ZFPM2: variants seen among roughly 807,000 people sequenced by gnomAD.
ZFPM2 encodes zinc finger protein ZFPM2.
Under a neutral mutation model 98.6 loss-of-function variants are expected in ZFPM2, and 20 were observed. The ratio of observed to expected loss-of-function variants is 0.20; its 90% CI spans 0.14 to 0.29. The LOEUF is 0.29. Among genes scored for constraint, ZFPM2 ranks in the 10% least tolerant of loss-of-function variants. The probability of loss-of-function intolerance (pLI) is 1.00; values close to 1 mark genes in which losing one functional copy is unlikely to be tolerated. For synonymous variants in ZFPM2, 518 were observed against 502.7 expected, an observed-to-expected ratio of 1.03 and a Z score of -0.41; for missense variants, 1,310 against 1,388.6, an observed-to-expected ratio of 0.94 and a Z score of 0.90.
At chr8:105,410,864 G>C (rs895059344) in intron 1 of ZFPM2, among the ~76,000 whole-genome samples, 1 of 151,476 alleles carries the variant, frequency 6.6e-6, no homozygotes, top group Non-Finnish European at 1.5e-5. Flanking sequence ...AAAATCTAAC[G>C]TCCTACATTC....
chr8:105,733,537 G>A (rs1811994027), intron 5 of ZFPM2, among the ~76,000 whole-genome samples: 1 of 151,772 alleles, frequency 6.6e-6, no homozygotes, highest in Non-Finnish European at 1.5e-5. Context: ...AAAGTTCACA[G>A]TGTATGAATT....
chr8:105,715,602 CG>C (rs1249364781), intron 5 of ZFPM2, among the ~76,000 whole-genome samples: 1 of 151,682 alleles, frequency 6.6e-6, no homozygotes, highest in African/African-American at 2.4e-5. Flanking sequence ...CATTTTCTTT[CG>C]GCAGAGTCAA....
intron 4 of ZFPM2, among the ~76,000 whole-genome samples, chr8:105,630,067 C>T (rs2130832243): frequency 6.6e-6 from 1 of 152,244 alleles, no homozygotes; most frequent in South Asian, 2.1e-4. Flanking sequence ...CCTACCACAC[C>T]TTTTATATCT....
intron 3 of ZFPM2, among the ~76,000 whole-genome samples, chr8:105,474,352 A>G (rs74615014): frequency 0.02 from 3,098 of 152,314 alleles, 105 homozygotes; most frequent in African/African-American, 0.071. Context: ...ATCCAGCTAC[A>G]ACTAGCTCTT....
At chr8:105,416,564 G>A (rs973796950) in intron 1 of ZFPM2, among the ~76,000 whole-genome samples, 9 of 151,180 alleles carry the variant, frequency 6.0e-5, no homozygotes, top group Non-Finnish European at 1.0e-4. Flanking sequence ...AATATCTGTT[G>A]GAGCTTTACT....
chr8:105,789,884 T>C (rs1210908236), intron 6 of ZFPM2, among the ~76,000 whole-genome samples: 1 of 150,258 alleles, frequency 6.7e-6, no homozygotes, highest in Non-Finnish European at 1.5e-5. Context: ...AAATGTCTTC[T>C]TTTGAGAAGT....
chr8:105,752,137 T>G (rs2131054701), intron 5 of ZFPM2, among the ~76,000 whole-genome samples: 1 of 152,262 alleles, frequency 6.6e-6, no homozygotes, highest in South Asian at 2.1e-4. Context: ...AAAAATGCAT[T>G]ACTGTATTCA....
rs369501129 is a variant in ZFPM2, at chr8:105,650,689, T to G, written c.532+16332T>G. 2.5e-4 allele frequency among the ~76,000 whole-genome samples: 38 copies of G among 152,322 alleles called. No individual in the cohort carries two copies. In the East Asian group the frequency reaches 5.8e-3, roughly 23 times the overall value. ...AGTTTCCGTGTAGTGGAGCGGTTTTTAGTGAGTTTCTTAATCCTGAGTTCT... is the reference window on the plus strand; with the variant it reads ...AGTTTCCGTGTAGTGGAGCGGTTTTGAGTGAGTTTCTTAATCCTGAGTTCT... On this transcript the variant is annotated intron_variant, in intron 5 of 7. Transcript: ENST00000407775.
rs146797146 is a variant in ZFPM2, at chr8:105,551,118, G to A, written c.302-10245G>A. On this transcript the variant is annotated intron_variant, in intron 3 of 7. Transcript: ENST00000407775. ...CTTTGTGCCAAATTATAGCCTATAA[G>A]TGAGATCTTTCTATCGACTAAGGCA... Among the ~76,000 whole-genome samples, 358 of 152,292 alleles carry A rather than the reference G, an allele frequency of 2.4e-3. 3 individuals carry two copies. The highest frequency in any genetic ancestry group is 8.4e-3 in the African/African-American group (348 of 41,578).
chr8:105,526,371 G>A (rs772899369), intron 3 of ZFPM2, among the ~76,000 whole-genome samples: 3 of 152,048 alleles, frequency 2.0e-5, no homozygotes, highest in Non-Finnish European at 4.4e-5. Context: ...TCACACTACT[G>A]CATGTTATTG....
chr8:105,521,618 C>T (rs572119680), intron 3 of ZFPM2, among the ~76,000 whole-genome samples: 20 of 151,796 alleles, frequency 1.3e-4, no homozygotes, highest in African/African-American at 3.9e-4. Flanking sequence ...ACTCTTGTTG[C>T]CTAGACTGGA....
At chr8:105,627,351 C>T (rs936995032) in intron 4 of ZFPM2, among the ~76,000 whole-genome samples, 3 of 152,068 alleles carry the variant, frequency 2.0e-5, no homozygotes, top group African/African-American at 7.2e-5. Flanking sequence ...ACTCTGGGTT[C>T]AAACCGTGTC....
chr8:105,783,480 C>G (rs977493835), intron 5 of ZFPM2, among the ~76,000 whole-genome samples: 3 of 152,054 alleles, frequency 2.0e-5, no homozygotes, highest in Non-Finnish European at 4.4e-5. Context: ...ACTATTACCA[C>G]CATCCATCTC....
At chr8:105,758,684 A>G (rs906267220) in intron 5 of ZFPM2, among the ~76,000 whole-genome samples, 1 of 152,032 alleles carries the variant, frequency 6.6e-6, no homozygotes, top group African/African-American at 2.4e-5. Context: ...CCTTAAATAG[A>G]TCTTTAATAA....
intron 3 of ZFPM2, among the ~76,000 whole-genome samples, chr8:105,504,991 T>A (rs1453112040): frequency 1.3e-5 from 2 of 152,174 alleles, no homozygotes; most frequent in Admixed American, 6.5e-5. Flanking sequence ...ACAAACATAT[T>A]TGACTATTCA....
intron 1 of ZFPM2, among the ~76,000 whole-genome samples, chr8:105,328,848 A>G (rs1812162164): frequency 2.0e-5 from 3 of 151,828 alleles, no homozygotes; most frequent in Non-Finnish European, 4.4e-5. Flanking sequence ...ACTTGTACAT[A>G]AGTACTCTTG....
intron 5 of ZFPM2, among the ~76,000 whole-genome samples, chr8:105,675,248 A>T (rs1284564975): frequency 6.6e-6 from 1 of 152,218 alleles, no homozygotes; most frequent in Non-Finnish European, 1.5e-5. Context: ...GACCTCTGCT[A>T]GAAAGATATG....
At chr8:105,701,572 G>T (rs1811141834) in intron 5 of ZFPM2, among the ~76,000 whole-genome samples, 1 of 152,114 alleles carries the variant, frequency 6.6e-6, no homozygotes, top group Non-Finnish European at 1.5e-5. Flanking sequence ...CTAAACAAAA[G>T]GTTGTAATAT....
At chr8:105,540,113 CTG>C (rs1267754824) in intron 3 of ZFPM2, among the ~76,000 whole-genome samples, 1 of 152,094 alleles carries the variant, frequency 6.6e-6, no homozygotes, top group Non-Finnish European at 1.5e-5. Flanking sequence ...CTGTCTCTCT[CTG>C]TGTTTTCATA....
Sources: allele counts gnomAD v4.1 joint callset (sites outside exome capture counted in the v4.1 genomes callset), GRCh38; gene constraint gnomAD v4.1.1; transcripts MANE v1.5; gene names NCBI Gene and HGNC (gene_info 2026-07-23, HGNC 2026-07-21).